CRLS1: variants seen among roughly 807,000 people sequenced by gnomAD.
CRLS1 encodes cardiolipin synthase 1.
A neutral mutation model predicts 37.0 loss-of-function variants in CRLS1; 24 were observed. The ratio of observed to expected loss-of-function variants is 0.65; its 90% CI spans 0.47 to 0.91. The LOEUF (loss-of-function observed/expected upper bound fraction) is 0.91. Ranked by LOEUF, CRLS1 falls within the 40% of genes least tolerant of loss-of-function variation. CRLS1 has a pLI of 0.00. For missense variants in CRLS1, 373 were observed against 395.8 expected (o/e 0.94, Z 0.49); for synonymous variants, 135 against 159.7 (o/e 0.85, Z 1.17).
At chr20:6,006,975 T>A (rs1424784728) in intron 1 of CRLS1, 2 of 334,232 alleles carry the variant, frequency 6.0e-6, no homozygotes, top group South Asian at 1.2e-4. Context: ...TCACCATCAT[T>A]TGACCTTTGG....
chr20:6,018,206 ACT>A (rs1978913024), intron 3 of CRLS1, among the ~76,000 whole-genome samples: 1 of 102,692 alleles, frequency 9.7e-6, no homozygotes, highest in Admixed American at 1.2e-4. Flanking sequence ...ATGGAGTGAG[ACT>A]CTGTCCTCAA....
Position 6,037,167 on chromosome 20 carries a change from A to G in CRLS1, c.*9A>G, listed in dbSNP as rs1364520473. 6.3e-7 allele frequency: 1 copy of G among 1,599,740 alleles called. No homozygotes were observed. Among genetic ancestry groups the G allele is most frequent in the South Asian group, 1.1e-5 (1 of 90,688 alleles). On this transcript the variant is annotated 3_prime_UTR_variant, in exon 7 of 7. Coordinates refer to ENST00000378863, the MANE Select transcript of CRLS1 (RefSeq NM_019095.6). ...AGGTGATAAAAGACTGATGAAAGTCATCCCTCACTGTTAGTAAGGAAGCAG... is the reference window on the plus strand; with the variant it reads ...AGGTGATAAAAGACTGATGAAAGTCGTCCCTCACTGTTAGTAAGGAAGCAG...
rs1978680162 is a variant in CRLS1 at position 6,015,547 on chromosome 20, C to T, written c.574+57C>T. ...CACAGGGAAGAATGACATTAGTCAG[C>T]TTAGGATTTCTCTTGAGAGACAAAT... On this transcript the variant is annotated intron_variant, in intron 3 of 6. Coordinates refer to ENST00000378863, the MANE Select transcript of CRLS1 (RefSeq NM_019095.6). 3.3e-6 allele frequency: 5 copies of T among 1,528,864 alleles called. No homozygotes were observed. The African/African-American group carries it at 5.5e-5, about 17-fold the overall frequency. 94.7% of individuals were successfully genotyped at this position (1,528,864 alleles called of 1,614,324 possible). A position where few individuals can be genotyped will look rare whatever the true frequency, so the allele number is the denominator to read the frequency against.
chr20:6,018,209 C>CT (rs1978913754), intron 3 of CRLS1, among the ~76,000 whole-genome samples: 1 of 107,118 alleles, frequency 9.3e-6, no homozygotes, highest in Non-Finnish European at 1.7e-5. Context: ...GAGTGAGACT[C>CT]TGTCCTCAAA....
Position 6,006,426 on chromosome 20 carries a change from G to A in CRLS1, c.180G>A (p.Leu60=). The change falls in exon 1 of 7, where the codon CTG becomes CTA. Residue 60 remains leucine (L), a synonymous_variant. Transcript: ENST00000378863. ...RLRPAALGLR[L]PGIGQRNHCS... ...GTCCGGCCGCTCTTGGCTTGCGGCT[G>A]CCCGGGATCGGCCAGCGGAACCACT... 1 of 1,407,808 alleles carries A rather than the reference G, an allele frequency of 7.1e-7. No individual in the cohort carries two copies. Among genetic ancestry groups the A allele is most frequent in the Admixed American group, 2.7e-5 (1 of 36,826 alleles). The allele number at this position is 1,407,808 out of a possible 1,614,324, so 87.2% of individuals were successfully genotyped here.
At chr20:6,027,723 G>A (rs920218414) in intron 3 of CRLS1, among the ~76,000 whole-genome samples, 5 of 152,154 alleles carry the variant, frequency 3.3e-5, no homozygotes, top group Non-Finnish European at 7.3e-5. Flanking sequence ...CCTGGAAATT[G>A]AATTTCATAG....
chr20:6,012,257 G>C (rs137969337), intron 2 of CRLS1, among the ~76,000 whole-genome samples: 14 of 152,146 alleles, frequency 9.2e-5, no homozygotes, highest in Non-Finnish European at 1.9e-4. Flanking sequence ...GTCTGATTGC[G>C]TTGTGTGTGG....
chr20:6,007,322 T>C, intron 1 of CRLS1: 2 of 1,598,966 alleles, frequency 1.3e-6, no homozygotes, highest in Non-Finnish European at 8.5e-7. Flanking sequence ...CTAAAGCATG[T>C]TGGGGTTTGA....
intron 3 of CRLS1, among the ~76,000 whole-genome samples, chr20:6,024,943 G>A (rs1455477412): frequency 6.6e-6 from 1 of 152,194 alleles, no homozygotes; most frequent in African/African-American, 2.4e-5. Flanking sequence ...AGTTGCAGAA[G>A]AAAAGTTGGA....
intron 1 of CRLS1, among the ~76,000 whole-genome samples, chr20:6,007,999 C>G (rs368560551): frequency 1.3e-5 from 2 of 152,142 alleles, no homozygotes; most frequent in African/African-American, 4.8e-5. Context: ...CCACCTGACC[C>G]CAGCAATAAC....
rs745571120 is a variant in CRLS1, at chr20:6,015,499, G to A, written c.574+9G>A. 93 of 1,612,136 alleles carry A rather than the reference G, an allele frequency of 5.8e-5. No homozygotes were observed. The highest frequency in any genetic ancestry group is 7.4e-5 in the Non-Finnish European group (87 of 1,178,628). On this transcript the variant is annotated intron_variant, in intron 3 of 6. Coordinates refer to ENST00000378863, the MANE Select transcript of CRLS1 (RefSeq NM_019095.6). ...TGCAGATCTTATTCCAGGTAAGAAC[G>A]CGTCATGCGTACTTTTGAATAGCAC...
intron 3 of CRLS1, among the ~76,000 whole-genome samples, chr20:6,028,921 G>A (rs1979930607): frequency 6.6e-6 from 1 of 152,218 alleles, no homozygotes; most frequent in South Asian, 2.1e-4. Context: ...GAAGAGAAGA[G>A]GAGTCCAAGA....
chr20:6,024,571 C>T lies in CRLS1; in HGVS notation c.575-6714C>T, dbSNP rs139830660. ...ATTGAAATTAGACCAATTAATAACC[C>T]TGCAATGTGAAAGGAAGAAGTTACA... is the stretch of plus-strand genomic sequence containing the variant. On this transcript the variant is annotated intron_variant, in intron 3 of 6. Coordinates refer to ENST00000378863, the MANE Select transcript of CRLS1 (RefSeq NM_019095.6). Among the ~76,000 whole-genome samples the T allele has an allele frequency of 1.2e-3, 184 of 152,288 alleles. 1 individual carries two copies. The highest frequency in any genetic ancestry group is 4.2e-3 in the African/African-American group (176 of 41,570).
chr20:6,006,486 G>A lies in CRLS1; in HGVS notation c.240G>A (p.Ala80=). 1.5e-6 allele frequency: 2 copies of A among 1,374,212 alleles called. No individual in the cohort carries two copies. Among genetic ancestry groups the A allele is most frequent in the South Asian group, 1.7e-5 (1 of 58,922 alleles). The allele number at this position is 1,374,212 out of a possible 1,614,324, so 85.1% of individuals were successfully genotyped here. The change falls in exon 1 of 7, where the codon GCG becomes GCA. Residue 80 remains alanine (A), a synonymous_variant. Transcript: ENST00000378863. ...CGGGGAAGGCGGCTCCCAGGCCAGCGGCCGGAGCGGGCGCCGCTGCCGAAG... is the reference window on the plus strand; with the variant it reads ...CGGGGAAGGCGGCTCCCAGGCCAGCAGCCGGAGCGGGCGCCGCTGCCGAAG... ...SGAGKAAPRP[A]AGAGAAAEAP... is the part of the protein sequence containing the mutation.
chr20:6,023,481 G>A (rs1271594178), intron 3 of CRLS1: 1 of 152,126 alleles, frequency 6.6e-6, no homozygotes, highest in Non-Finnish European at 1.5e-5. Context: ...TCCCAACCCT[G>A]TGGGAATAGT....
intron 5 of CRLS1, among the ~76,000 whole-genome samples, chr20:6,033,712 G>T (rs936331976): frequency 1.3e-5 from 2 of 151,956 alleles, no homozygotes; most frequent in Non-Finnish European, 2.9e-5. Context: ...GGGGTCTTGC[G>T]CTGTCTGCCC....
rs1980313765 is a variant in CRLS1 at position 6,033,278 on chromosome 20, CG to C, written c.730-1185del. On this transcript the variant is annotated intron_variant, in intron 5 of 6. Coordinates refer to ENST00000378863, the MANE Select transcript of CRLS1 (RefSeq NM_019095.6). ...CCAAGTAGCTGAGATTACAGGCATG[CG>C]CCACCACGCCCAGCTAATTTTTTTT... is the stretch of plus-strand genomic sequence containing the variant. 5.9e-5 allele frequency among the ~76,000 whole-genome samples: 9 copies of C among 151,820 alleles called. No homozygotes were observed. In the South Asian group the frequency reaches 1.9e-3, roughly 32 times the overall value.
intron 3 of CRLS1, chr20:6,026,108 G>A (rs907971819): frequency 4.6e-5 from 7 of 152,204 alleles, no homozygotes; most frequent in African/African-American, 1.7e-4. Flanking sequence ...ATGGTACAGC[G>A]AAATCTTTTA....
rs1230519579 is a variant in CRLS1 at position 6,039,287 on chromosome 20, G to A, written c.*2129G>A. 2 of 139,488 alleles carry A rather than the reference G, an allele frequency of 1.4e-5. No individual in the cohort carries two copies. The highest frequency in any genetic ancestry group is 3.3e-5 in the Non-Finnish European group (2 of 60,048). The allele number at this position is 139,488 out of a possible 1,614,324, so 8.6% of individuals were successfully genotyped here. On this transcript the variant is annotated 3_prime_UTR_variant, in exon 7 of 7. Coordinates refer to ENST00000378863, the MANE Select transcript of CRLS1 (RefSeq NM_019095.6). ...TGTGTGTGTGTGTGTGTGTGTGTGT[G>A]TGTGTGTGTGTGTGTGTATTTTGTT... is the stretch of plus-strand genomic sequence containing the variant.
Sources: gnomAD v4.1 joint callset for allele counts (sites outside exome capture counted in the v4.1 genomes callset) on GRCh38, gnomAD v4.1.1 for gene constraint, MANE v1.5 for transcripts, NCBI Gene and HGNC (gene_info 2026-07-23, HGNC 2026-07-21) for gene names.